Variants in PTDSS2 observed in about 807,000 individuals in gnomAD.
PTDSS2 encodes phosphatidylserine synthase 2.
In PTDSS2, 41 loss-of-function variants were observed where a neutral mutation model predicts 64.7. The ratio of observed to expected loss-of-function variants is 0.63; its 90% CI spans 0.49 to 0.82. The LOEUF (loss-of-function observed/expected upper bound fraction) is 0.82. Ranked by LOEUF, PTDSS2 falls within the 40% of genes least tolerant of loss-of-function variation. The pLI is 0.00. For missense variants in PTDSS2, 485 were observed against 650.0 expected, an observed-to-expected ratio of 0.75 and a Z score of 2.76; for synonymous variants, 297 against 277.8, an observed-to-expected ratio of 1.07 and a Z score of -0.69.
chr11:453,887 G>T (rs139726479), intron 1 of PTDSS2, among the ~76,000 whole-genome samples: 3 of 152,348 alleles, frequency 2.0e-5, no homozygotes, highest in African/African-American at 7.2e-5. Context: ...CTGTCTTCAC[G>T]CCCTCACCCT....
intron 1 of PTDSS2, among the ~76,000 whole-genome samples, chr11:452,764 G>A (rs1195661283): frequency 6.6e-6 from 1 of 152,206 alleles, no homozygotes; most frequent in Non-Finnish European, 1.5e-5. Context: ...ATGCCTGCCT[G>A]GTGAGAATTC....
chr11:469,596 G>T (rs866616423), intron 2 of PTDSS2, among the ~76,000 whole-genome samples: 1 of 152,074 alleles, frequency 6.6e-6, no homozygotes, highest in Non-Finnish European at 1.5e-5. Flanking sequence ...ACCATTGCAC[G>T]TTTAGCCCAG....
At chr11:469,416 G>T (rs1267309259) in intron 2 of PTDSS2, among the ~76,000 whole-genome samples, 1 of 91,476 alleles carries the variant, frequency 1.1e-5, no homozygotes, top group Non-Finnish European at 2.1e-5. Context: ...GGAGTCTCTG[G>T]GTACTCGGAG....
Position 460,381 on chromosome 11 carries a change from A to G in PTDSS2, c.284+93A>G. On this transcript the variant is annotated intron_variant, in intron 2 of 11. Transcript: ENST00000308020. The surrounding 1 kb of genome is among the most constrained non-coding windows in gnomAD (Gnocchi z 5.8). ...ACTGCTCGGGCTGCCGGGGGCTCAGAAGGCCTTCACCAGAGGGCTGCGTGG... is the reference window on the plus strand; with the variant it reads ...ACTGCTCGGGCTGCCGGGGGCTCAGGAGGCCTTCACCAGAGGGCTGCGTGG... 2 of 1,057,314 alleles carry G rather than the reference A, an allele frequency of 1.9e-6. No homozygotes were observed. Among genetic ancestry groups the G allele is most frequent in the Non-Finnish European group, 2.9e-6 (2 of 696,502 alleles). 65.5% of individuals were successfully genotyped at this position (1,057,314 alleles called of 1,614,324 possible). A position where few individuals can be genotyped will look rare whatever the true frequency, so the allele number is the denominator to read the frequency against.
Position 488,553 on chromosome 11 carries a change from A to C in PTDSS2, c.760A>C (p.Asn254His). The C allele has an allele frequency of 6.2e-7, 1 of 1,613,494 alleles. No homozygotes were observed. The highest frequency in any genetic ancestry group is 8.5e-7 in the Non-Finnish European group (1 of 1,179,956). Residue 254 changes from asparagine (N) to histidine (H), a missense_variant, in exon 8 of 12, where the codon AAC (asparagine) becomes CAC (histidine). Physicochemically the swap from Asn to His is moderately conservative, Grantham distance 68. Around this residue, in one of 3 missense-constraint regions of PTDSS2, gnomAD observed 251 missense variants for 348.0 expected, o/e 0.72. Coordinates refer to ENST00000308020, the MANE Select transcript of PTDSS2 (RefSeq NM_030783.3). Reference protein sequence around the residue: ...DHWIMDVLVCNGLGIYCGMKT... With the variant: ...DHWIMDVLVCHGLGIYCGMKT... ...GTGGATCATGGACGTGCTCGTCTGCAACGGGCTGGGCATCTACTGCGGCAT... is the reference window on the plus strand; with the variant it reads ...GTGGATCATGGACGTGCTCGTCTGCCACGGGCTGGGCATCTACTGCGGCAT...
intron 2 of PTDSS2, among the ~76,000 whole-genome samples, chr11:472,265 G>A (rs545646092): frequency 6.6e-6 from 1 of 152,308 alleles, no homozygotes; most frequent in Non-Finnish European, 1.5e-5. Context: ...CACGCCCCTT[G>A]GAGGCACAGC....
chr11:456,004 G>C (rs919301153), intron 1 of PTDSS2, among the ~76,000 whole-genome samples: 1 of 151,986 alleles, frequency 6.6e-6, no homozygotes, highest in Admixed American at 6.6e-5. Context: ...GTCACTTACC[G>C]GCCCTGACTT....
intron 3 of PTDSS2, among the ~76,000 whole-genome samples, chr11:478,059 G>A (rs1008509353): frequency 2.0e-5 from 3 of 152,298 alleles, no homozygotes; most frequent in East Asian, 1.9e-4. Flanking sequence ...ACGTCTTGCC[G>A]TGAGCTGCTC....
intron 1 of PTDSS2, among the ~76,000 whole-genome samples, chr11:456,103 G>A (rs1411370131): frequency 4.6e-5 from 7 of 151,828 alleles, no homozygotes; most frequent in East Asian, 1.9e-4. Context: ...CTGTCATCAC[G>A]TCGTTGGCTT....
chr11:487,121 C>T (rs757082482), intron 5 of PTDSS2, 48 bp downstream of exon 5: 72 of 1,555,228 alleles, frequency 4.6e-5, no homozygotes, highest in Middle Eastern at 1.9e-4. Flanking sequence ...GGTGTGGCCC[C>T]GTGCCGGACC....
At chr11:471,973 CG>C (rs1220510372) in intron 2 of PTDSS2, among the ~76,000 whole-genome samples, 2 of 118,972 alleles carry the variant, frequency 1.7e-5, no homozygotes, top group Non-Finnish European at 3.3e-5. Flanking sequence ...ATGCAGATGG[CG>C]GCCTGGGGTG....
At position 460,448 on chromosome 11, in the gene PTDSS2, C is replaced by G; in HGVS notation, c.284+160C>G. The G allele has an allele frequency of 1.6e-6, 1 of 608,596 alleles. No individual in the cohort carries two copies. The highest frequency in any genetic ancestry group is 2.9e-6 in the Non-Finnish European group (1 of 340,094). The allele number at this position is 608,596 out of a possible 1,614,324, so 37.7% of individuals were successfully genotyped here. ...CTTGAGTGTGTCTGATGTGCAGACT[C>G]CAGGGCTGCCCTTGGTGCTGCGTGG... is the stretch of plus-strand genomic sequence containing the variant. On this transcript the variant is annotated intron_variant, in intron 2 of 11. Coordinates refer to ENST00000308020, the MANE Select transcript of PTDSS2 (RefSeq NM_030783.3). This position sits in a 1 kb window ranked among gnomAD's most constrained non-coding sequence, Gnocchi z 5.8.
chr11:461,904 G>A lies in PTDSS2; in HGVS notation c.284+1616G>A, dbSNP rs766239083. Among the ~76,000 whole-genome samples the A allele has an allele frequency of 6.6e-6, 1 of 152,200 alleles. No individual in the cohort carries two copies. The highest frequency in any genetic ancestry group is 2.1e-4 in the South Asian group (1 of 4,838). On this transcript the variant is annotated intron_variant, in intron 2 of 11. Coordinates refer to ENST00000308020, the MANE Select transcript of PTDSS2 (RefSeq NM_030783.3). This position sits in a 1 kb window ranked among gnomAD's most constrained non-coding sequence, Gnocchi z 4.2. ...GGAGGCAGTGAGGCAGTGGGCAGGA[G>A]CCCCGTGTGTGCCTAGAGGGAGCTT...
chr11:474,027 A>C (rs1847603450), intron 3 of PTDSS2, 50 bp downstream of exon 3: 1 of 1,455,290 alleles, frequency 6.9e-7, no homozygotes, highest in Non-Finnish European at 9.7e-7. Flanking sequence ...TTCTGTTCTG[A>C]GCGGCCACTC....
At chr11:463,531 GC>G (rs1846996492) in intron 2 of PTDSS2, 1 of 149,478 alleles carries the variant, frequency 6.7e-6, no homozygotes, top group South Asian at 2.1e-4. Context: ...AACAGCCTGA[GC>G]CACTGCAGCT....
At chr11:467,368 A>G (rs61876326) in intron 2 of PTDSS2, among the ~76,000 whole-genome samples, 14,984 of 152,216 alleles carry the variant, frequency 0.098, 1,026 homozygotes, top group Admixed American at 0.19. Flanking sequence ...GACAGTACCA[A>G]CGCTTCCAGG....
intron 2 of PTDSS2, among the ~76,000 whole-genome samples, chr11:471,655 C>T (rs1311782036): frequency 7.4e-6 from 1 of 136,036 alleles, no homozygotes; most frequent in African/African-American, 2.8e-5. Context: ...TGACACGCAC[C>T]TGTCTGGTGG....
intron 1 of PTDSS2, among the ~76,000 whole-genome samples, chr11:458,321 C>T (rs1160341511): frequency 6.6e-6 from 1 of 151,546 alleles, no homozygotes; most frequent in African/African-American, 2.4e-5. Flanking sequence ...TCTCCTGCCT[C>T]AGCCTCCCGA....
chr11:465,252 G>A (rs946872798), intron 2 of PTDSS2, among the ~76,000 whole-genome samples: 10 of 152,150 alleles, frequency 6.6e-5, no homozygotes, highest in East Asian at 3.8e-4. Flanking sequence ...GTGCAGTGGC[G>A]CAGTCACAGC....
Sources: allele counts gnomAD v4.1 joint callset (sites outside exome capture counted in the v4.1 genomes callset), GRCh38; gene constraint gnomAD v4.1.1; regional missense constraint gnomAD v4.1.1; non-coding constraint Gnocchi (gnomAD v3.1); transcripts MANE v1.5; gene names NCBI Gene and HGNC (gene_info 2026-07-23, HGNC 2026-07-21).